Variants in TMEM132B observed in about 807,000 individuals in gnomAD.
TMEM132B encodes transmembrane protein 132B.
Under a neutral mutation model 90.8 loss-of-function variants are expected in TMEM132B, and 18 were observed. The ratio of observed to expected loss-of-function variants is 0.20; its 90% CI spans 0.14 to 0.29. The LOEUF is 0.29. TMEM132B is among the 10% of genes least tolerant of loss of function. TMEM132B has a pLI of 1.00. For synonymous variants in TMEM132B, 504 were observed against 523.3 expected (o/e 0.96, Z 0.50); for missense variants, 1,096 against 1,326.8 (o/e 0.83, Z 2.70).
At chr12:125,506,703 A>G (rs1463346590) in intron 3 of TMEM132B, among the ~76,000 whole-genome samples, 1 of 152,238 alleles carries the variant, frequency 6.6e-6, no homozygotes, top group Admixed American at 6.5e-5. Flanking sequence ...TTTGAGAGAT[A>G]GAAGTCATCT....
chr12:125,266,203 G>A lies in TMEM132B; in HGVS notation c.67+79337G>A, dbSNP rs4765031. On this transcript the variant is annotated intron_variant, in intron 1 of 8. Transcript: ENST00000682704. ...GAGATCGCGCCACTGCACTCCAGCC[G>A]GGGTGACAAAGAGAGACCCTAAAAA... Among the ~76,000 whole-genome samples the A allele has an allele frequency of 1.7e-3, 262 of 152,250 alleles. 1 individual carries two copies. The highest frequency in any genetic ancestry group is 9.1e-3 in the East Asian group (47 of 5,168).
intron 2 of TMEM132B, among the ~76,000 whole-genome samples, chr12:125,411,203 G>A (rs977339029): frequency 2.0e-5 from 3 of 148,900 alleles, no homozygotes; most frequent in Non-Finnish European, 4.5e-5. Flanking sequence ...GGAGTGGAGT[G>A]GAGTGGTCAG....
intron 3 of TMEM132B, among the ~76,000 whole-genome samples, chr12:125,430,954 G>A (rs936369782): frequency 1.3e-5 from 2 of 152,110 alleles, no homozygotes; most frequent in South Asian, 2.1e-4. Flanking sequence ...GGAGAGATGT[G>A]GGAGGAGAGC....
chr12:125,433,933 T>TG (rs1203473384), intron 3 of TMEM132B, among the ~76,000 whole-genome samples: 2 of 152,208 alleles, frequency 1.3e-5, no homozygotes, highest in East Asian at 3.8e-4. Flanking sequence ...GAGTATTACA[T>TG]ATGAGATATT....
intron 3 of TMEM132B, among the ~76,000 whole-genome samples, chr12:125,425,451 T>C (rs1880289682): frequency 1.3e-5 from 2 of 152,186 alleles, no homozygotes; most frequent in South Asian, 4.1e-4. Flanking sequence ...TTAGTCAATA[T>C]TGATACATTA....
chr12:125,650,259 C>T (rs1385367794), intron 6 of TMEM132B, among the ~76,000 whole-genome samples: 1 of 152,038 alleles, frequency 6.6e-6, no homozygotes, highest in African/African-American at 2.4e-5. Flanking sequence ...ATGTTCATTT[C>T]CAAGGGGAGG....
At chr12:125,477,796 T>A (rs1593165930) in intron 3 of TMEM132B, among the ~76,000 whole-genome samples, 1 of 152,186 alleles carries the variant, frequency 6.6e-6, no homozygotes. Flanking sequence ...CTCAAGTGGG[T>A]CCCTGACCCC....
Position 125,519,583 on chromosome 12 carries a change from C to T in TMEM132B, c.1251C>T (p.Phe417=), listed in dbSNP as rs371482632. Residue 417 remains phenylalanine (F), a synonymous_variant, in exon 4 of 9, where the codon TTC becomes TTT. Coordinates refer to ENST00000682704, the MANE Select transcript of TMEM132B (RefSeq NM_001366854.1). ...GTGAGCTGGTCGTCTCCGAGATCTT[C>T]GTCAGCCAGACAACCTTCGTGGGCA... is the stretch of plus-strand genomic sequence containing the variant. ...SMSELVVSEI[F]VSQTTFVGIV... 72 of 1,614,118 alleles carry T rather than the reference C, an allele frequency of 4.5e-5. No homozygotes were observed. The highest frequency in any genetic ancestry group is 3.3e-4 in the Middle Eastern group (2 of 6,060).
At chr12:125,589,278 C>G (rs189482317) in intron 5 of TMEM132B, among the ~76,000 whole-genome samples, 37 of 151,906 alleles carry the variant, frequency 2.4e-4, no homozygotes, top group Non-Finnish European at 4.4e-4. Flanking sequence ...GTCAGGAGAT[C>G]GAGACCATCC....
At chr12:125,473,944 T>C (rs1881788126) in intron 3 of TMEM132B, among the ~76,000 whole-genome samples, 1 of 152,100 alleles carries the variant, frequency 6.6e-6, no homozygotes, top group Admixed American at 6.5e-5. Flanking sequence ...CAAGTTTCCT[T>C]ATCCTGATAG....
At chr12:125,261,823 G>A (rs1874574202) in intron 1 of TMEM132B, among the ~76,000 whole-genome samples, 1 of 151,938 alleles carries the variant, frequency 6.6e-6, no homozygotes, top group African/African-American at 2.4e-5. Flanking sequence ...CCCTAAGCAG[G>A]AGATGAAAAA....
intron 3 of TMEM132B, among the ~76,000 whole-genome samples, chr12:125,495,795 G>A (rs936090553): frequency 1.3e-5 from 2 of 152,166 alleles, no homozygotes; most frequent in Non-Finnish European, 2.9e-5. Flanking sequence ...CCATCCCTGT[G>A]ATATCACAAA....
chr12:125,331,829 C>T (rs1876784144), intron 1 of TMEM132B, among the ~76,000 whole-genome samples: 3 of 151,936 alleles, frequency 2.0e-5, no homozygotes, highest in Non-Finnish European at 4.4e-5. Flanking sequence ...TCTCAGCTCA[C>T]TGCAGCCTTG....
intron 1 of TMEM132B, among the ~76,000 whole-genome samples, chr12:125,200,252 T>C (rs1873024185): frequency 6.6e-6 from 1 of 152,222 alleles, no homozygotes; most frequent in Non-Finnish European, 1.5e-5. Flanking sequence ...TTCAAATATA[T>C]AAAAATGGTT....
chr12:125,355,587 G>A (rs576362242), intron 2 of TMEM132B, among the ~76,000 whole-genome samples: 6 of 152,142 alleles, frequency 3.9e-5, no homozygotes, highest in South Asian at 2.1e-4. Flanking sequence ...TTGTCTGGCC[G>A]TTGTCCATTT....
At position 125,407,034 on chromosome 12, in the gene TMEM132B, G is replaced by C. The variant is rs151296436; in HGVS notation, c.960-8497G>C. On this transcript the variant is annotated intron_variant, in intron 2 of 8. Coordinates refer to ENST00000682704, the MANE Select transcript of TMEM132B (RefSeq NM_001366854.1). This position sits in a 1 kb window ranked among gnomAD's most constrained non-coding sequence, Gnocchi z 6.7. ...TAGGCACAGAGTGCTGCCAACTGGG[G>C]GAGCTCACCCAAGCTTGGTGTCCAG... Among the ~76,000 whole-genome samples, 107 of 152,284 alleles carry C rather than the reference G, an allele frequency of 7.0e-4. No individual in the cohort carries two copies. The highest frequency in any genetic ancestry group is 3.4e-3 in the Middle Eastern group (1 of 294).
At position 125,652,497 on chromosome 12, in the gene TMEM132B, T is replaced by C. The variant is rs1170770671; in HGVS notation, c.1971T>C (p.Asp657=). 4 of 1,613,366 alleles carry C rather than the reference T, an allele frequency of 2.5e-6. No homozygotes were observed. The highest frequency in any genetic ancestry group is 3.4e-6 in the Non-Finnish European group (4 of 1,179,642). Residue 657 remains aspartate (D), a synonymous_variant, in exon 8 of 9, where the codon GAT becomes GAC. Coordinates refer to ENST00000682704, the MANE Select transcript of TMEM132B (RefSeq NM_001366854.1). ...ILAEKTVIVL[D]DRVTIAELGV... ...CTGAGAAGACGGTGATTGTCCTGGA[T>C]GACCGAGTCACCATCGCGGAGCTGG...
intron 4 of TMEM132B, among the ~76,000 whole-genome samples, chr12:125,546,182 T>C (rs914865949): frequency 1.2e-4 from 18 of 152,022 alleles, no homozygotes; most frequent in Admixed American, 7.9e-4. Flanking sequence ...AGTATTGTCT[T>C]TCTTTTCTTT....
intron 5 of TMEM132B, 30 bp from the exon 6 acceptor site, chr12:125,644,046 G>A (rs761410934): frequency 2.5e-6 from 4 of 1,590,898 alleles, no homozygotes; most frequent in Non-Finnish European, 3.5e-6. Flanking sequence ...TCCTACTGAT[G>A]CATCTCAAGG....
Sources: allele counts gnomAD v4.1 joint callset (sites outside exome capture counted in the v4.1 genomes callset), GRCh38; gene constraint gnomAD v4.1.1; non-coding constraint Gnocchi (gnomAD v3.1); transcripts MANE v1.5; gene names NCBI Gene and HGNC (gene_info 2026-07-23, HGNC 2026-07-21).